The following MIER1 variants were observed in gnomAD, a reference collection of about 807,000 sequenced individuals.
MIER1 encodes the protein mesoderm induction early response protein 1.
MIER1 carries 40 observed loss-of-function variants against 75.7 expected under a neutral mutation model. The observed-to-expected ratio is 0.53, with a 90% CI of 0.41 to 0.69. MIER1 has a LOEUF of 0.69. Ranked by LOEUF, MIER1 falls within the 30% of genes least tolerant of loss-of-function variation. The pLI is 0.00. For missense variants in MIER1, 574 were observed against 680.2 expected (o/e 0.84, Z 1.74); for synonymous variants, 213 against 223.4 (o/e 0.95, Z 0.42).
chr1:66,986,059 G>C lies in MIER1; in HGVS notation c.*1159G>C. ...TTTCTGCATTAAATAAACAGAGGAG[G>C]GGGGTCAAGTGATACTTAGATATTG... On this transcript the variant is annotated 3_prime_UTR_variant, in exon 14 of 14. Coordinates refer to ENST00000401041, the MANE Select transcript of MIER1 (RefSeq NM_001077700.3). The C allele has an allele frequency of 9.8e-7, 1 of 1,015,700 alleles. No homozygotes were observed. Among genetic ancestry groups the C allele is most frequent in the Non-Finnish European group, 1.2e-6 (1 of 850,270 alleles). 62.9% of individuals were successfully genotyped at this position (1,015,700 alleles called of 1,614,324 possible).
At chr1:66,927,276 G>A (rs1652055927) in intron 2 of MIER1, among the ~76,000 whole-genome samples, 2 of 152,078 alleles carry the variant, frequency 1.3e-5, no homozygotes, top group African/African-American at 4.8e-5. Context: ...TGGGGAATAG[G>A]AGCTGAAGAG....
chr1:66,943,932 A>G (rs1279089632), intron 3 of MIER1, among the ~76,000 whole-genome samples: 3 of 152,166 alleles, frequency 2.0e-5, no homozygotes, highest in Non-Finnish European at 2.9e-5. Context: ...CGTCTTTGCC[A>G]TCTACTGGCT....
intron 8 of MIER1, among the ~76,000 whole-genome samples, chr1:66,965,294 C>T (rs1055734466): frequency 6.6e-6 from 1 of 151,976 alleles, no homozygotes; most frequent in African/African-American, 2.4e-5. Flanking sequence ...GTTTTTCTTT[C>T]TGCAAATAAA....
At chr1:66,958,380 C>A (rs143616416) in intron 5 of MIER1, among the ~76,000 whole-genome samples, 160 bp downstream of exon 5, 27 of 152,104 alleles carry the variant, frequency 1.8e-4, no homozygotes, top group Non-Finnish European at 1.6e-4. Context: ...AATTGGAAAT[C>A]CCCTGTAATT....
At chr1:66,939,163 A>G (rs939202573) in intron 2 of MIER1, among the ~76,000 whole-genome samples, 4 of 152,134 alleles carry the variant, frequency 2.6e-5, no homozygotes, top group African/African-American at 4.8e-5. Flanking sequence ...GTTTTAGTTC[A>G]TGTTATTTGA....
At chr1:66,932,410 T>C (rs972253077) in intron 2 of MIER1, among the ~76,000 whole-genome samples, 6 of 152,202 alleles carry the variant, frequency 3.9e-5, no homozygotes, top group Non-Finnish European at 5.9e-5. Flanking sequence ...GATAGTTTCA[T>C]GTATAGTGAA....
intron 4 of MIER1, chr1:66,947,401 C>G (rs1043179381): frequency 6.6e-6 from 1 of 152,122 alleles, no homozygotes; most frequent in Non-Finnish European, 1.5e-5. Context: ...TCTGCTTGTT[C>G]TTTCCCTGTC....
At chr1:66,956,979 A>G (rs1660259232) in intron 4 of MIER1, among the ~76,000 whole-genome samples, 1 of 152,136 alleles carries the variant, frequency 6.6e-6, no homozygotes, top group South Asian at 2.1e-4. Flanking sequence ...ACTTCTTTCC[A>G]TGACTGCTGG....
rs1275772773 is a variant in MIER1, at chr1:66,953,102, T to C, written c.340-4957T>C. ...GCTTGGGTCATGTGTCCACTCCAAA[T>C]CTACGGCCAGGGAATACAGTTATTC... On this transcript the variant is annotated intron_variant, in intron 4 of 13. Transcript: ENST00000401041. Among the ~76,000 whole-genome samples the C allele has an allele frequency of 2.6e-5, 4 of 152,312 alleles. No individual in the cohort carries two copies. The South Asian group carries it at 6.2e-4, about 24-fold the overall frequency.
At chr1:66,930,410 C>T (rs771686712) in intron 2 of MIER1, 14 of 1,606,204 alleles carry the variant, frequency 8.7e-6, no homozygotes, top group Admixed American at 1.7e-5. Flanking sequence ...GGTAAGGGAG[C>T]GAGCTCCCCC....
chr1:66,926,152 C>T lies in MIER1; in HGVS notation c.78C>T (p.Val26=), dbSNP rs779102352. 1.2e-6 allele frequency: 2 copies of T among 1,613,478 alleles called. No homozygotes were observed. Among genetic ancestry groups the T allele is most frequent in the Non-Finnish European group, 1.7e-6 (2 of 1,179,552 alleles). The stretch of plus-strand genomic sequence containing the variant: ...TTTCCTTTGATCCAGATGGTGTGGT[C>T]GCTCGATTCTCCCAGTGCCTGGCTG... ...GGSSGSGYGV[V]ARFSQCLAEF... The change falls in exon 2 of 14, where the codon GTC becomes GTT. Residue 26 remains valine, a synonymous_variant. Coordinates refer to ENST00000401041, the MANE Select transcript of MIER1 (RefSeq NM_001077700.3).
At chr1:66,925,509 C>A in intron 1 of MIER1, 1 of 985,464 alleles carries the variant, frequency 1.0e-6, no homozygotes, top group Non-Finnish European at 1.2e-6. Context: ...CCCCGGGAGG[C>A]TCTCGCTTGC....
chr1:66,981,534 T>C (rs190409210), intron 12 of MIER1, among the ~76,000 whole-genome samples: 326 of 152,314 alleles, frequency 2.1e-3, no homozygotes, highest in Non-Finnish European at 3.7e-3. Flanking sequence ...TTTACAAGCT[T>C]TAAAATTTCC....
chr1:66,934,572 C>CTTTTT (rs34540359), intron 2 of MIER1, among the ~76,000 whole-genome samples: 1 of 138,276 alleles, frequency 7.2e-6, no homozygotes, highest in African/African-American at 2.7e-5. Flanking sequence ...TCATGCCCGG[C>CTTTTT]TTTTTTTTTT....
chr1:66,983,653 G>T (rs1375666163), intron 13 of MIER1, among the ~76,000 whole-genome samples: 1 of 152,128 alleles, frequency 6.6e-6, no homozygotes, highest in African/African-American at 2.4e-5. Context: ...TCAAGTATAT[G>T]CTTGGATAGT....
In MIER1 at chr1:66,985,962, T is replaced by G. The variant is rs1666730144; in HGVS notation, c.*1062T>G. The G allele has an allele frequency of 1.0e-6, 1 of 985,300 alleles. No homozygotes were observed. Among genetic ancestry groups the G allele is most frequent in the African/African-American group, 1.7e-5 (1 of 57,224 alleles). The allele number at this position is 985,300 out of a possible 1,614,324, so 61.0% of individuals were successfully genotyped here. ...TTTGAAGCAAGACAAAAGTTTAATG[T>G]CAGCTTAAGTGCTTAAATATATCAT... is the stretch of plus-strand genomic sequence containing the variant. On this transcript the variant is annotated 3_prime_UTR_variant, in exon 14 of 14. Transcript: ENST00000401041.
chr1:66,963,196 G>A, intron 8 of MIER1, 36 bp downstream of exon 8: 1 of 1,292,296 alleles, frequency 7.7e-7, no homozygotes, highest in Non-Finnish European at 1.1e-6. Context: ...CTGAATTTAT[G>A]CTTTCAGTGT....
chr1:66,960,237 A>G (rs1193659242), intron 7 of MIER1, among the ~76,000 whole-genome samples: 1 of 152,162 alleles, frequency 6.6e-6, no homozygotes, highest in African/African-American at 2.4e-5. Flanking sequence ...AGTAGTTCAT[A>G]TTGCAAGTTT....
At chr1:66,945,636 A>G (rs2101474443) in intron 3 of MIER1, among the ~76,000 whole-genome samples, 1 of 152,276 alleles carries the variant, frequency 6.6e-6, no homozygotes, top group South Asian at 2.1e-4. Context: ...CCAAGGCAGG[A>G]TGATTGCTTG....
Sources: allele counts gnomAD v4.1 joint callset (sites outside exome capture counted in the v4.1 genomes callset), GRCh38; gene constraint gnomAD v4.1.1; transcripts MANE v1.5; gene names NCBI Gene and HGNC (gene_info 2026-07-23, HGNC 2026-07-21).